Variants in LGR5 observed in about 807,000 individuals in gnomAD.
The protein encoded by LGR5 is leucine-rich repeat-containing G protein-coupled receptor 5.
A neutral mutation model predicts 76.7 loss-of-function variants in LGR5; 54 were observed. The observed-to-expected ratio is 0.70, with a 90% CI of 0.57 to 0.88. The LOEUF (loss-of-function observed/expected upper bound fraction) is 0.88. LGR5 is among the 40% of genes least tolerant of loss of function. The pLI, the probability that LGR5 is intolerant of heterozygous loss-of-function variation, is 0.00. For synonymous variants in LGR5, 406 were observed against 421.9 expected, an observed-to-expected ratio of 0.96 and a Z score of 0.46; for missense variants, 1,078 against 1,073.3, an observed-to-expected ratio of 1.00 and a Z score of -0.06.
Position 71,478,887 on chromosome 12 carries a change from C to T in LGR5, c.213-25727C>T, listed in dbSNP as rs138629890. Among the ~76,000 whole-genome samples, 3 of 152,200 alleles carry T rather than the reference C, an allele frequency of 2.0e-5. No homozygotes were observed. The East Asian group carries it at 5.8e-4, about 29-fold the overall frequency. ...TTATATTCTGGGCACTTCAAAGAAG[C>T]TCAGAATACACTTTAAAAGCATTAC... On this transcript the variant is annotated intron_variant, in intron 1 of 17. Coordinates refer to ENST00000266674, the MANE Select transcript of LGR5 (RefSeq NM_003667.4).
chr12:71,530,473 A>G (rs1460976100), intron 3 of LGR5, among the ~76,000 whole-genome samples: 1 of 152,194 alleles, frequency 6.6e-6, no homozygotes, highest in Non-Finnish European at 1.5e-5. Context: ...GAAGAGAAAA[A>G]TAATCTTGAT....
intron 11 of LGR5, 86 bp from the exon 12 acceptor site, chr12:71,571,428 A>G (rs1878605245): frequency 1.0e-6 from 1 of 978,696 alleles, no homozygotes; most frequent in East Asian, 2.5e-5. Flanking sequence ...GAGATATAAC[A>G]TCTTGGAGGG....
At chr12:71,524,989 AATTGTAAATATGAGGTTTCTC>A (rs1393311210) in intron 3 of LGR5, among the ~76,000 whole-genome samples, 1 of 152,208 alleles carries the variant, frequency 6.6e-6, no homozygotes, top group Non-Finnish European at 1.5e-5. Flanking sequence ...ATTCATTGAA[AATTGTAAATATGAGGTTTCTC>A]ATTATTTAAT....
intron 1 of LGR5, among the ~76,000 whole-genome samples, chr12:71,469,314 G>A (rs1379043418): frequency 6.6e-6 from 1 of 152,234 alleles, no homozygotes; most frequent in Non-Finnish European, 1.5e-5. Flanking sequence ...TTCACACTTT[G>A]TCATTGCCTT....
intron 13 of LGR5, among the ~76,000 whole-genome samples, chr12:71,577,500 G>A (rs575130965): frequency 6.6e-6 from 1 of 152,202 alleles, no homozygotes; most frequent in East Asian, 1.9e-4. Flanking sequence ...ACATATATGA[G>A]TGATGTGCCC....
At chr12:71,494,742 A>G (rs1238595500) in intron 1 of LGR5, among the ~76,000 whole-genome samples, 1 of 151,144 alleles carries the variant, frequency 6.6e-6, no homozygotes, top group East Asian at 1.9e-4. Context: ...GAGGCTTCCA[A>G]CTACAAACTC....
At chr12:71,444,179 A>G (rs1196054397) in intron 1 of LGR5, among the ~76,000 whole-genome samples, 3 of 152,092 alleles carry the variant, frequency 2.0e-5, no homozygotes, top group Non-Finnish European at 4.4e-5. Flanking sequence ...AAGAAAATGT[A>G]CTTTAGAAAT....
chr12:71,551,021 A>G (rs759004908), intron 4 of LGR5, among the ~76,000 whole-genome samples: 1 of 152,230 alleles, frequency 6.6e-6, no homozygotes, highest in Non-Finnish European at 1.5e-5. Flanking sequence ...TTTTCTAAAC[A>G]TTTGTGGCTC....
intron 1 of LGR5, among the ~76,000 whole-genome samples, chr12:71,473,786 A>G (rs544167720): frequency 6.6e-6 from 1 of 152,276 alleles, no homozygotes; most frequent in East Asian, 1.9e-4. Context: ...ATGAAATTAC[A>G]GAACAATTAT....
intron 6 of LGR5, 142 bp downstream of exon 6, chr12:71,556,832 A>G: frequency 1.5e-6 from 1 of 668,994 alleles, no homozygotes; most frequent in Non-Finnish European, 2.7e-6. Flanking sequence ...GCATTATCTT[A>G]CACACACAAC....
At position 71,584,697 on chromosome 12, in the gene LGR5, G is replaced by A. The variant is rs1180217916; in HGVS notation, c.2687G>A (p.Cys896Tyr). 6.2e-7 allele frequency: 1 copy of A among 1,613,184 alleles called. No individual in the cohort carries two copies. The highest frequency in any genetic ancestry group is 1.1e-5 in the South Asian group (1 of 91,050). ...PSPAYPVTESCHLSSVAFVPC... is the reference protein window; with the variant it reads ...PSPAYPVTESYHLSSVAFVPC... ...CCAGCTTATCCAGTGACTGAGAGCT[G>A]CCATCTTTCCTCTGTGGCATTTGTC... Residue 896 changes from cysteine (C) to tyrosine (Y), a missense_variant, in exon 18 of 18, where the codon TGC (cysteine) becomes TAC (tyrosine). Coordinates refer to ENST00000266674, the MANE Select transcript of LGR5 (RefSeq NM_003667.4).
intron 1 of LGR5, among the ~76,000 whole-genome samples, chr12:71,465,217 C>A (rs1410747370): frequency 1.3e-5 from 2 of 152,014 alleles, no homozygotes; most frequent in Non-Finnish European, 2.9e-5. Flanking sequence ...GGCAGCATAC[C>A]CTAACATCTC....
chr12:71,474,748 G>C (rs191393282), intron 1 of LGR5, among the ~76,000 whole-genome samples: 1 of 152,152 alleles, frequency 6.6e-6, no homozygotes, highest in Admixed American at 6.6e-5. Flanking sequence ...GCTTCTTTTA[G>C]ATAATGTTCA....
intron 3 of LGR5, among the ~76,000 whole-genome samples, chr12:71,534,511 T>C (rs1247438657): frequency 6.6e-6 from 1 of 152,188 alleles, no homozygotes; most frequent in Non-Finnish European, 1.5e-5. Context: ...TTAAAAAACA[T>C]ATATAAGAGC....
rs58322918 is a variant in LGR5 at position 71,525,406 on chromosome 12, CT to C, written c.356+940del. ...CTCTTTGAATTTTTTTCTTTTCTTT[CT>C]TTTTTTTTTTGCTACTAAGAAGAAA... On this transcript the variant is annotated intron_variant, in intron 3 of 17. Transcript: ENST00000266674. Among the ~76,000 whole-genome samples, 1,357 of 145,134 alleles carry C rather than the reference CT, an allele frequency of 9.3e-3. 4 individuals are homozygous for C. Among genetic ancestry groups the C allele is most frequent in the Middle Eastern group, 0.021 (6 of 284 alleles).
At chr12:71,551,887 A>C (rs370039376) in intron 4 of LGR5, among the ~76,000 whole-genome samples, 1 of 152,232 alleles carries the variant, frequency 6.6e-6, no homozygotes, top group African/African-American at 2.4e-5. Flanking sequence ...AAAAACAAAC[A>C]TCTGCTTCAT....
At chr12:71,446,012 ATTC>A (rs1368025857) in intron 1 of LGR5, among the ~76,000 whole-genome samples, 3 of 152,166 alleles carry the variant, frequency 2.0e-5, no homozygotes, top group Non-Finnish European at 4.4e-5. Context: ...TTCAGGGCTT[ATTC>A]TTCTTCTTTG....
At chr12:71,568,063 A>G (rs963882067) in intron 11 of LGR5, among the ~76,000 whole-genome samples, 4 of 152,156 alleles carry the variant, frequency 2.6e-5, no homozygotes, top group Non-Finnish European at 4.4e-5. Context: ...AACAGGTATA[A>G]TCATCCCCAT....
chr12:71,523,592 T>C (rs1875830362), intron 2 of LGR5, among the ~76,000 whole-genome samples: 1 of 152,180 alleles, frequency 6.6e-6, no homozygotes, highest in African/African-American at 2.4e-5. Flanking sequence ...GGAGTCACAT[T>C]GTTGTTTTTG....
Sources: allele counts gnomAD v4.1 joint callset (sites outside exome capture counted in the v4.1 genomes callset), GRCh38; gene constraint gnomAD v4.1.1; transcripts MANE v1.5; gene names NCBI Gene and HGNC (gene_info 2026-07-23, HGNC 2026-07-21).